Variants in MKRN1 observed in about 807,000 individuals in gnomAD.
MKRN1 encodes makorin ring finger protein 1, also known as E3 ubiquitin-protein ligase makorin-1.
MKRN1 carries 9 observed loss-of-function variants against 55.5 expected under a neutral mutation model. The observed-to-expected ratio is 0.16, with a 90% CI of 0.10 to 0.28. MKRN1 has a LOEUF of 0.28. Ranked by LOEUF, MKRN1 falls within the 10% of genes least tolerant of loss-of-function variation. The probability of loss-of-function intolerance (pLI) is 1.00; values close to 1 mark genes in which losing one functional copy is unlikely to be tolerated. For missense variants in MKRN1, 488 were observed against 626.7 expected, an observed-to-expected ratio of 0.78 and a Z score of 2.36; for synonymous variants, 253 against 235.9, an observed-to-expected ratio of 1.07 and a Z score of -0.66.
At position 140,479,319 on chromosome 7, in the gene MKRN1, G is replaced by C. The variant is rs1443680161; in HGVS notation, c.26C>G (p.Thr9Arg). The part of the protein sequence containing the change: MAEAATPG[T>R]TATTSGAGAA... ...TCCTGCTCCTGATGTTGTGGCTGTTGTTCCGGGAGTTGCAGCCTCCGCCAT... is the reference window on the plus strand; with the variant it reads ...TCCTGCTCCTGATGTTGTGGCTGTTCTTCCGGGAGTTGCAGCCTCCGCCAT... Residue 9 changes from threonine to arginine, a missense_variant, in exon 1 of 8, where the codon ACA becomes AGA. Thr to Arg is a moderately conservative substitution (Grantham distance 71). Coordinates refer to ENST00000255977, the MANE Select transcript of MKRN1 (RefSeq NM_013446.4). The C allele has an allele frequency of 3.0e-6, 4 of 1,311,840 alleles. No individual in the cohort carries two copies. Among genetic ancestry groups the C allele is most frequent in the Admixed American group, 8.2e-5 (2 of 24,262 alleles). The allele number at this position is 1,311,840 out of a possible 1,614,324, so 81.3% of individuals were successfully genotyped here.
chr7:140,465,538 G>C (rs1460383355), intron 2 of MKRN1, among the ~76,000 whole-genome samples: 1 of 150,810 alleles, frequency 6.6e-6, no homozygotes, highest in Non-Finnish European at 1.5e-5. Flanking sequence ...CAGAAACAAA[G>C]ACTGGGAGTT....
chr7:140,479,288 T>A lies in MKRN1; in HGVS notation c.57A>T (p.Ala19=), dbSNP rs1238862358. Residue 19 remains alanine (A), a synonymous_variant, in exon 1 of 8, where the codon GCA becomes GCT. Transcript: ENST00000255977. Reference sequence around the variant, plus strand: ...GGGAGGCTGCTGCCGCCGTCGCCGCTGCCGCTCCTGCTCCTGATGTTGTGG... The same window carrying A: ...GGGAGGCTGCTGCCGCCGTCGCCGCAGCCGCTCCTGCTCCTGATGTTGTGG... ...TTATTSGAGA[A]AATAAAASPT... The A allele has an allele frequency of 3.6e-6, 5 of 1,387,350 alleles. No individual in the cohort carries two copies. The highest frequency in any genetic ancestry group is 4.7e-6 in the Non-Finnish European group (5 of 1,070,312). The allele number at this position is 1,387,350 out of a possible 1,614,324, so 85.9% of individuals were successfully genotyped here.
intron 2 of MKRN1, among the ~76,000 whole-genome samples, chr7:140,462,003 T>TTATCACAA (rs1794635334): frequency 6.6e-6 from 1 of 152,094 alleles, no homozygotes; most frequent in African/African-American, 2.4e-5. Flanking sequence ...GAAAAGACAA[T>TTATCACAA]TATCACAATT....
chr7:140,456,173 TCA>T (rs1403415672), intron 5 of MKRN1: 1 of 1,203,154 alleles, frequency 8.3e-7, no homozygotes, highest in Non-Finnish European at 1.0e-6. Flanking sequence ...AGAAGACATT[TCA>T]CACAGACTCC....
chr7:140,456,292 G>C, intron 5 of MKRN1: 1 of 1,167,412 alleles, frequency 8.6e-7, no homozygotes, highest in Non-Finnish European at 1.1e-6. Context: ...TGGATTGTTG[G>C]CTAGCTTAAT....
At chr7:140,463,246 A>G (rs1794673749) in intron 2 of MKRN1, among the ~76,000 whole-genome samples, 1 of 152,234 alleles carries the variant, frequency 6.6e-6, no homozygotes, top group African/African-American at 2.4e-5. Context: ...GGAAGAAACT[A>G]TCATGAATAT....
chr7:140,463,049 C>A (rs554597446), intron 2 of MKRN1, among the ~76,000 whole-genome samples: 1 of 152,306 alleles, frequency 6.6e-6, no homozygotes, highest in South Asian at 2.1e-4. Context: ...CACTTGAGGT[C>A]AGGAGTTCGA....
intron 1 of MKRN1, among the ~76,000 whole-genome samples, chr7:140,476,331 A>G (rs1348890656): frequency 2.6e-5 from 4 of 152,006 alleles, no homozygotes; most frequent in African/African-American, 7.2e-5. Context: ...TCCAGAAAAA[A>G]TATACATGTG....
intron 2 of MKRN1, among the ~76,000 whole-genome samples, chr7:140,468,643 G>C (rs560402278): frequency 1.4e-4 from 19 of 131,816 alleles, no homozygotes; most frequent in African/African-American, 5.7e-4. Context: ...GGAGGTTGCA[G>C]TGAGTTGAGA....
At chr7:140,478,502 A>C (rs916590713) in intron 1 of MKRN1, 1 of 152,266 alleles carries the variant, frequency 6.6e-6, no homozygotes, top group East Asian at 1.9e-4. Flanking sequence ...CGGGTGGAGA[A>C]GACGACCCCG....
chr7:140,471,995 C>A lies in MKRN1; in HGVS notation c.202G>T (p.Val68Phe). 3.7e-6 allele frequency: 6 copies of A among 1,614,142 alleles called. No homozygotes were observed. Among genetic ancestry groups the A allele is most frequent in the Non-Finnish European group, 5.1e-6 (6 of 1,180,036 alleles). ...CGACAGTTGTCTCCTTCCTTACAAACCCCATGCATAAAATACCTGTGAGAC... is the reference window on the plus strand; with the variant it reads ...CGACAGTTGTCTCCTTCCTTACAAAACCCATGCATAAAATACCTGTGAGAC... Reference protein sequence around the residue: ...QVTCRYFMHGVCKEGDNCRYS... With the variant: ...QVTCRYFMHGFCKEGDNCRYS... Residue 68 changes from valine to phenylalanine, a missense_variant, in exon 2 of 8, where the codon GTT (valine) becomes TTT (phenylalanine). By Grantham distance (50) the Val-to-Phe change is conservative. Around this residue, in one of 2 missense-constraint regions of MKRN1, gnomAD observed 210 missense variants for 220.0 expected, o/e 0.95. Coordinates refer to ENST00000255977, the MANE Select transcript of MKRN1 (RefSeq NM_013446.4).
intron 5 of MKRN1, chr7:140,456,312 A>C: frequency 8.3e-7 from 1 of 1,206,804 alleles, no homozygotes; most frequent in South Asian, 2.0e-5. Context: ...TGAATGGAAT[A>C]GGAAAGTGGA....
chr7:140,457,053 T>C, intron 4 of MKRN1, 187 bp from the exon 5 acceptor site: 1 of 633,228 alleles, frequency 1.6e-6, no homozygotes, highest in Non-Finnish European at 2.7e-6. Flanking sequence ...TGTTTGTTTG[T>C]TTTTGCGGTG....
At chr7:140,475,869 T>G (rs1218785399) in intron 1 of MKRN1, among the ~76,000 whole-genome samples, 1 of 152,116 alleles carries the variant, frequency 6.6e-6, no homozygotes, top group Admixed American at 6.6e-5. Flanking sequence ...TCAAGGTAAC[T>G]CAAGGTAGCA....
chr7:140,470,325 C>T, intron 2 of MKRN1, among the ~76,000 whole-genome samples: 1 of 152,048 alleles, frequency 6.6e-6, no homozygotes, highest in Admixed American at 6.6e-5. Flanking sequence ...TGGCTCACGG[C>T]TGTAATCTCA....
rs190294147 is a variant in MKRN1 at position 140,469,646 on chromosome 7, C to T, written c.314+2237G>A. Reference sequence around the variant, plus strand: ...GGCCCATGTGGGCCAGGCGGGGTGGCTCACGCCTGTAATCCCAGCGCTTTG... The same window carrying T: ...GGCCCATGTGGGCCAGGCGGGGTGGTTCACGCCTGTAATCCCAGCGCTTTG... On this transcript the variant is annotated intron_variant, in intron 2 of 7. Coordinates refer to ENST00000255977, the MANE Select transcript of MKRN1 (RefSeq NM_013446.4). 6.1e-3 allele frequency among the ~76,000 whole-genome samples: 925 copies of T among 152,340 alleles called. 6 individuals are homozygous for T. The highest frequency in any genetic ancestry group is 9.9e-3 in the Non-Finnish European group (671 of 68,020).
Position 140,455,310 on chromosome 7 carries a change from A to G in MKRN1, c.1098-77T>C, listed in dbSNP as rs986184846. 51 of 1,572,182 alleles carry G rather than the reference A, an allele frequency of 3.2e-5. No individual in the cohort carries two copies. The African/African-American group carries it at 6.7e-4, about 21-fold the overall frequency. ...TTTGACTATCATCCGGGGTTTCTTT[A>G]AACAGGTAGGGATAGAACCAGTATG... On this transcript the variant is annotated intron_variant, in intron 6 of 7. Coordinates refer to ENST00000255977, the MANE Select transcript of MKRN1 (RefSeq NM_013446.4).
In MKRN1 at chr7:140,479,435, A is replaced by C; in HGVS notation, c.-91T>G. On this transcript the variant is annotated 5_prime_UTR_variant, in exon 1 of 8. Transcript: ENST00000255977. The stretch of plus-strand genomic sequence containing the variant: ...GGGGAGAGGACGGCGAGGCCAGGCG[A>C]GGGGAGGGGAAGGACACTGAGGCAC... 1 of 1,224,604 alleles carries C rather than the reference A, an allele frequency of 8.2e-7. No homozygotes were observed. The highest frequency in any genetic ancestry group is 1.0e-6 in the Non-Finnish European group (1 of 972,882). The allele number at this position is 1,224,604 out of a possible 1,614,324, so 75.9% of individuals were successfully genotyped here. A position where few individuals can be genotyped will look rare whatever the true frequency, so the allele number is the denominator to read the frequency against.
In MKRN1 at chr7:140,455,426, G is replaced by A. The variant is rs1373118522; in HGVS notation, c.1098-193C>T. On this transcript the variant is annotated intron_variant, in intron 6 of 7. Transcript: ENST00000255977. ...ACTAGAAACCGGTAACTCTGTTCAA[G>A]TCTATGCTGGTTAATAGCTCTAGTA... 7 of 659,232 alleles carry A rather than the reference G, an allele frequency of 1.1e-5. No individual in the cohort carries two copies. In the Admixed American group the frequency reaches 1.8e-4, roughly 17 times the overall value. The allele number at this position is 659,232 out of a possible 1,614,324, so 40.8% of individuals were successfully genotyped here.
Sources: allele counts gnomAD v4.1 joint callset (sites outside exome capture counted in the v4.1 genomes callset), GRCh38; gene constraint gnomAD v4.1.1; regional missense constraint gnomAD v4.1.1; transcripts MANE v1.5; gene names NCBI Gene and HGNC (gene_info 2026-07-23, HGNC 2026-07-21).